The following PLCXD2 variants were observed in gnomAD, a reference collection of about 807,000 sequenced individuals.
PLCXD2 encodes PI-PLC X domain-containing protein 2.
Under a neutral mutation model 28.6 loss-of-function variants are expected in PLCXD2, and 21 were observed. The ratio of observed to expected loss-of-function variants is 0.73; its 90% CI spans 0.52 to 1.06. The LOEUF is 1.06. Among genes scored for constraint, PLCXD2 ranks in the 50% least tolerant of loss-of-function variants. PLCXD2 has a pLI of 0.00. For missense variants in PLCXD2, 369 were observed against 376.7 expected (o/e 0.98, Z 0.17); for synonymous variants, 140 against 150.1 (o/e 0.93, Z 0.49).
intron 3 of PLCXD2, 73 bp downstream of exon 3, chr3:111,714,201 C>A: frequency 2.0e-6 from 3 of 1,499,624 alleles, no homozygotes. Flanking sequence ...CTGAGTAAAT[C>A]GCAGTAAAGC....
chr3:111,695,963 A>AT (rs1294850426), intron 1 of PLCXD2, among the ~76,000 whole-genome samples: 1 of 152,296 alleles, frequency 6.6e-6, no homozygotes, highest in East Asian at 1.9e-4. Context: ...AGGGACTACT[A>AT]TTTTTTCTCA....
At chr3:111,685,812 G>A (rs955936698) in intron 1 of PLCXD2, among the ~76,000 whole-genome samples, 3 of 152,198 alleles carry the variant, frequency 2.0e-5, no homozygotes, top group African/African-American at 7.2e-5. Context: ...TATCTACAAT[G>A]TCTTATTTGG....
At chr3:111,705,344 A>C (rs1226896926) in intron 1 of PLCXD2, among the ~76,000 whole-genome samples, 1 of 152,146 alleles carries the variant, frequency 6.6e-6, no homozygotes, top group Non-Finnish European at 1.5e-5. Flanking sequence ...GCAGGATATC[A>C]TTCTTTTTTA....
intron 1 of PLCXD2, among the ~76,000 whole-genome samples, chr3:111,706,331 G>A (rs546655197): frequency 5.6e-4 from 85 of 152,016 alleles, no homozygotes; most frequent in African/African-American, 1.8e-3. Context: ...TTGTCTTTTC[G>A]CTCTTGATTG....
intron 1 of PLCXD2, among the ~76,000 whole-genome samples, chr3:111,682,408 G>T (rs1940730609): frequency 6.6e-6 from 1 of 152,114 alleles, no homozygotes. Context: ...TAACAGGTTG[G>T]GGTTTTTTTG....
At chr3:111,699,040 G>A (rs930507391) in intron 1 of PLCXD2, among the ~76,000 whole-genome samples, 1 of 152,198 alleles carries the variant, frequency 6.6e-6, no homozygotes, top group Non-Finnish European at 1.5e-5. Flanking sequence ...TGAAGCACCT[G>A]CAGGAACTAA....
chr3:111,681,402 T>C (rs1219252525), intron 1 of PLCXD2, among the ~76,000 whole-genome samples: 3 of 152,238 alleles, frequency 2.0e-5, no homozygotes. Context: ...CATTTCCTCA[T>C]CACTTGCCCT....
At position 111,714,087 on chromosome 3, in the gene PLCXD2, C is replaced by A; in HGVS notation, c.825C>A (p.Ala275=). ...TCACCCCCAGAGTGAAGACCATTGC[C>A]CGGGGCTTGGTTGGGGGCCTCAAGA... The change falls in exon 3 of 5, where the codon GCC becomes GCA. Residue 275 remains alanine (A), a synonymous_variant. Transcript: ENST00000477665. 6.2e-7 allele frequency: 1 copy of A among 1,614,100 alleles called. No homozygotes were observed. The highest frequency in any genetic ancestry group is 8.5e-7 in the Non-Finnish European group (1 of 1,180,034).
At chr3:111,679,022 C>A (rs764443924) in intron 1 of PLCXD2, among the ~76,000 whole-genome samples, 1 of 152,058 alleles carries the variant, frequency 6.6e-6, no homozygotes, top group Non-Finnish European at 1.5e-5. Context: ...CTTTAAGAAA[C>A]CTCCATAGAG....
intron 1 of PLCXD2, among the ~76,000 whole-genome samples, chr3:111,679,120 A>G (rs1207536797): frequency 6.6e-6 from 1 of 152,234 alleles, no homozygotes; most frequent in Non-Finnish European, 1.5e-5. Flanking sequence ...AACCAGAGAT[A>G]TAAATAACAT....
chr3:111,690,736 C>A (rs1202534128), intron 1 of PLCXD2, among the ~76,000 whole-genome samples: 1 of 152,178 alleles, frequency 6.6e-6, no homozygotes, highest in Non-Finnish European at 1.5e-5. Context: ...CCTTTATTTA[C>A]AGGAAAGAGA....
At position 111,713,922 on chromosome 3, in the gene PLCXD2, G is replaced by C. The variant is rs756046189; in HGVS notation, c.660G>C (p.Gln220His). The change falls in exon 3 of 5, where the codon CAG becomes CAC. Residue 220 changes from glutamine to histidine, a missense_variant. By Grantham distance (24) the Gln-to-His change is conservative. Transcript: ENST00000477665. ...TCTACCACTGTCCCTTCTACAAGCA[G>C]TACCCCTTCCTGTGGCCAGGAAAGA... 22 of 1,613,906 alleles carry C rather than the reference G, an allele frequency of 1.4e-5. No individual in the cohort carries two copies. The highest frequency in any genetic ancestry group is 1.6e-4 in the Middle Eastern group (1 of 6,084).
chr3:111,684,335 A>G (rs1291682177), intron 1 of PLCXD2, among the ~76,000 whole-genome samples: 1 of 151,638 alleles, frequency 6.6e-6, no homozygotes, highest in East Asian at 1.9e-4. Flanking sequence ...TCTAAAAAAA[A>G]AAAAAAAAAA....
chr3:111,725,232 C>T (rs1941400098), intron 3 of PLCXD2: 1 of 166,956 alleles, frequency 6.0e-6, no homozygotes, highest in Non-Finnish European at 1.3e-5. Flanking sequence ...GAAATGATAG[C>T]ATCAAATATC....
Position 111,675,057 on chromosome 3 carries a change from C to T in PLCXD2, c.-189C>T. On this transcript the variant is annotated 5_prime_UTR_variant, in exon 1 of 5. Transcript: ENST00000477665. Reference sequence around the variant, plus strand: ...TAAGGGAGTGGAGCGGAGGCTGGGCCGGAGAGAGTGGGGACTGTGAGTGCT... The same window carrying T: ...TAAGGGAGTGGAGCGGAGGCTGGGCTGGAGAGAGTGGGGACTGTGAGTGCT... 1.6e-6 allele frequency: 1 copy of T among 613,982 alleles called. No homozygotes were observed. The highest frequency in any genetic ancestry group is 3.1e-5 in the Admixed American group (1 of 32,728). The allele number at this position is 613,982 out of a possible 1,614,324, so 38.0% of individuals were successfully genotyped here.
At chr3:111,677,206 C>T (rs1206369220) in intron 1 of PLCXD2, 8 of 152,236 alleles carry the variant, frequency 5.3e-5, no homozygotes, top group African/African-American at 9.6e-5. Context: ...TGTGAAATGC[C>T]GTTTCCTCAG....
chr3:111,681,953 A>G (rs1287593245), intron 1 of PLCXD2, among the ~76,000 whole-genome samples: 3 of 152,148 alleles, frequency 2.0e-5, no homozygotes, highest in Non-Finnish European at 4.4e-5. Flanking sequence ...ATCGCAAACC[A>G]CTTTGCCAAT....
chr3:111,704,787 C>T (rs1012219814), intron 1 of PLCXD2, among the ~76,000 whole-genome samples: 10 of 151,726 alleles, frequency 6.6e-5, no homozygotes, highest in Admixed American at 6.6e-4. Context: ...TGCTGCAAAA[C>T]ACCAGACTTC....
chr3:111,710,055 A>G (rs1465216045), intron 2 of PLCXD2, among the ~76,000 whole-genome samples: 1 of 152,198 alleles, frequency 6.6e-6, no homozygotes, highest in Non-Finnish European at 1.5e-5. Flanking sequence ...GATTTGGGGT[A>G]TGAAAGAACA....
Sources: allele counts gnomAD v4.1 joint callset (sites outside exome capture counted in the v4.1 genomes callset), GRCh38; gene constraint gnomAD v4.1.1; transcripts MANE v1.5; gene names NCBI Gene and HGNC (gene_info 2026-07-23, HGNC 2026-07-21).